VAV3: variants seen among roughly 807,000 people sequenced by gnomAD.
VAV3 encodes the protein vav guanine nucleotide exchange factor 3.
A neutral mutation model predicts 131.2 loss-of-function variants in VAV3; 94 were observed. That is an observed-to-expected ratio of 0.72 (90% CI 0.61 to 0.85). VAV3 has a LOEUF of 0.85. VAV3 is among the 40% of genes least tolerant of loss of function. The probability of loss-of-function intolerance (pLI) is 0.00; values close to 1 mark genes in which losing one functional copy is unlikely to be tolerated. For missense variants in VAV3, 939 were observed against 1,002.7 expected (o/e 0.94, Z 0.86); for synonymous variants, 349 against 342.0 (o/e 1.02, Z -0.22).
chr1:107,763,069 A>C (rs1664529328), intron 9 of VAV3, among the ~76,000 whole-genome samples: 2 of 152,274 alleles, frequency 1.3e-5, no homozygotes, highest in African/African-American at 4.8e-5. Flanking sequence ...CAAAGAAGGC[A>C]GAAAGACACC....
chr1:107,616,202 A>C (rs556810606), intron 21 of VAV3, among the ~76,000 whole-genome samples: 1 of 152,276 alleles, frequency 6.6e-6, no homozygotes, highest in South Asian at 2.1e-4. Context: ...AAATGCCCAT[A>C]TGTTTCAGGA....
At chr1:107,920,088 T>C (rs1308152321) in intron 1 of VAV3, among the ~76,000 whole-genome samples, 2 of 152,188 alleles carry the variant, frequency 1.3e-5, no homozygotes, top group African/African-American at 4.8e-5. Context: ...AGTTTGCATT[T>C]CAACCACACA....
At chr1:107,898,115 G>A (rs1314174982) in intron 1 of VAV3, among the ~76,000 whole-genome samples, 1 of 151,514 alleles carries the variant, frequency 6.6e-6, no homozygotes, top group Admixed American at 6.6e-5. Flanking sequence ...AAAAAAAAAG[G>A]AAGCAGATCA....
intron 1 of VAV3, chr1:107,963,743 G>A (rs1675261787): frequency 6.7e-6 from 1 of 148,802 alleles, no homozygotes; most frequent in Admixed American, 6.6e-5. Flanking sequence ...AAAGCAGTTT[G>A]GTTTTTTGTT....
intron 1 of VAV3, among the ~76,000 whole-genome samples, chr1:107,930,421 A>G (rs915434471): frequency 1.3e-5 from 2 of 152,120 alleles, no homozygotes; most frequent in East Asian, 1.9e-4. Flanking sequence ...ACTTAAAACA[A>G]TAGAAAGTCT....
chr1:107,903,460 A>G (rs1001198817), intron 1 of VAV3, among the ~76,000 whole-genome samples: 5 of 152,184 alleles, frequency 3.3e-5, no homozygotes, highest in African/African-American at 1.2e-4. Flanking sequence ...CTGTGGCAGC[A>G]GAGAGACCTG....
At chr1:107,758,112 G>A (rs551384694) in intron 10 of VAV3, among the ~76,000 whole-genome samples, 1 of 152,130 alleles carries the variant, frequency 6.6e-6, no homozygotes, top group African/African-American at 2.4e-5. Flanking sequence ...TTGAATGATG[G>A]CACTTCCATC....
At chr1:107,624,121 A>G (rs1393069517) in intron 20 of VAV3, among the ~76,000 whole-genome samples, 1 of 152,190 alleles carries the variant, frequency 6.6e-6, no homozygotes, top group Non-Finnish European at 1.5e-5. Flanking sequence ...ACCCTTAAAA[A>G]TTAAAAGTTG....
chr1:107,667,002 C>A (rs1657456766), intron 19 of VAV3, among the ~76,000 whole-genome samples: 1 of 152,158 alleles, frequency 6.6e-6, no homozygotes, highest in East Asian at 1.9e-4. Context: ...TAAGAGCCAG[C>A]AGCTTGTACT....
intron 4 of VAV3, among the ~76,000 whole-genome samples, chr1:107,774,233 A>C (rs1665208192): frequency 6.6e-6 from 1 of 151,910 alleles, no homozygotes. Flanking sequence ...TGCCCAGTTA[A>C]TTTTTGTATT....
At position 107,785,524 on chromosome 1, in the gene VAV3, T is replaced by C. The variant is rs1276986975; in HGVS notation, c.322-6032A>G. 3.9e-6 allele frequency: 5 copies of C among 1,291,602 alleles called. No individual in the cohort carries two copies. The South Asian group carries it at 6.7e-5, about 17-fold the overall frequency. The allele number at this position is 1,291,602 out of a possible 1,614,324, so 80.0% of individuals were successfully genotyped here. A position where few individuals can be genotyped will look rare whatever the true frequency, so the allele number is the denominator to read the frequency against. Reference sequence around the variant, plus strand: ...TAGAGCCCCAAATGCAAGACGAGCTTGGGGGTTCAAGAAGGGGTCCACGGC... The same window carrying C: ...TAGAGCCCCAAATGCAAGACGAGCTCGGGGGTTCAAGAAGGGGTCCACGGC... On this transcript the variant is annotated intron_variant, in intron 2 of 26. Transcript: ENST00000370056.
At chr1:107,622,126 G>A (rs1199027760) in intron 20 of VAV3, among the ~76,000 whole-genome samples, 1 of 152,108 alleles carries the variant, frequency 6.6e-6, no homozygotes, top group Non-Finnish European at 1.5e-5. Context: ...TGTAGAAAAT[G>A]TATCAAACTA....
intron 23 of VAV3, 115 bp downstream of exon 23, chr1:107,602,932 T>C (rs1376407624): frequency 2.7e-6 from 2 of 749,356 alleles, no homozygotes; most frequent in Admixed American, 2.3e-5. Context: ...ATAGATGCAT[T>C]ATTTCTCCTT....
chr1:107,920,291 A>C (rs1672833060), intron 1 of VAV3, among the ~76,000 whole-genome samples: 1 of 152,240 alleles, frequency 6.6e-6, no homozygotes, highest in East Asian at 1.9e-4. Context: ...AATAGTTGAA[A>C]AGCTAGATAA....
intron 10 of VAV3, among the ~76,000 whole-genome samples, chr1:107,758,576 C>T (rs921962935): frequency 1.3e-5 from 2 of 152,040 alleles, no homozygotes; most frequent in Admixed American, 6.6e-5. Context: ...CAAAAAACAA[C>T]AAAACCAGGT....
intron 5 of VAV3, 82 bp from the exon 6 acceptor site, chr1:107,770,810 T>C: frequency 8.5e-7 from 1 of 1,182,168 alleles, no homozygotes; most frequent in Admixed American, 2.3e-5. Flanking sequence ...AAAGCATTGC[T>C]GACTTTCTTA....
intron 15 of VAV3, among the ~76,000 whole-genome samples, chr1:107,726,364 G>A (rs568310130): frequency 3.3e-5 from 5 of 152,310 alleles, no homozygotes; most frequent in South Asian, 2.1e-4. Context: ...AAAGTCCTCT[G>A]TGCTCCGGCA....
chr1:107,692,848 T>C (rs774943913), intron 17 of VAV3, among the ~76,000 whole-genome samples: 53 of 152,198 alleles, frequency 3.5e-4, no homozygotes, highest in Non-Finnish European at 5.3e-4. Flanking sequence ...AAGGAAAAGA[T>C]GCATTATACC....
chr1:107,721,327 C>A (rs1445683888), intron 15 of VAV3, among the ~76,000 whole-genome samples: 1 of 152,144 alleles, frequency 6.6e-6, no homozygotes, highest in Non-Finnish European at 1.5e-5. Flanking sequence ...TATTCCAGAA[C>A]TGTTCAGAGC....
Sources: gnomAD v4.1 joint callset for allele counts (sites outside exome capture counted in the v4.1 genomes callset) on GRCh38, gnomAD v4.1.1 for gene constraint, MANE v1.5 for transcripts, NCBI Gene and HGNC (gene_info 2026-07-23, HGNC 2026-07-21) for gene names.